The following PHF14 variants were observed in gnomAD, a reference collection of about 807,000 sequenced individuals.
PHF14 encodes the protein PHD finger protein 14.
PHF14 carries 55 observed loss-of-function variants against 117.9 expected under a neutral mutation model. The observed-to-expected ratio is 0.47, with a 90% CI of 0.38 to 0.58. PHF14 has a LOEUF of 0.58. Among genes scored for constraint, PHF14 ranks in the 20% least tolerant of loss-of-function variants. PHF14 has a pLI of 0.00. For missense variants in PHF14, 978 were observed against 1,122.2 expected, an observed-to-expected ratio of 0.87 and a Z score of 1.84; for synonymous variants, 409 against 368.6, an observed-to-expected ratio of 1.11 and a Z score of -1.26.
chr7:11,054,226 ACTTTGGAC>A (rs1784942009), intron 14 of PHF14, among the ~76,000 whole-genome samples: 1 of 152,032 alleles, frequency 6.6e-6, no homozygotes, highest in Middle Eastern at 3.2e-3. Flanking sequence ...TGAAATGTAG[ACTTTGGAC>A]CCACCCTAGA....
chr7:11,142,409 C>T (rs1788425783), intron 17 of PHF14, among the ~76,000 whole-genome samples: 1 of 151,882 alleles, frequency 6.6e-6, no homozygotes, highest in Non-Finnish European at 1.5e-5. Context: ...TTATCATTTT[C>T]CTGGACTAGG....
At chr7:11,103,446 C>G in intron 16 of PHF14, 9 of 979,858 alleles carry the variant, frequency 9.2e-6, no homozygotes, top group Non-Finnish European at 1.1e-5. Context: ...ACATCTGTAT[C>G]TTTCCAGAGG....
chr7:10,986,916 T>C lies in PHF14; in HGVS notation c.900+3757T>C, dbSNP rs567196913. ...TGTTCTCACAGAAAATATTTAAAAT[T>C]AGAGACAGTTTGGATTTTGGATTAC... On this transcript the variant is annotated intron_variant, in intron 3 of 17. Transcript: ENST00000634607. Among the ~76,000 whole-genome samples, 37 of 152,308 alleles carry C rather than the reference T, an allele frequency of 2.4e-4. 1 individual carries two copies. The highest frequency in any genetic ancestry group is 8.4e-4 in the African/African-American group (35 of 41,574).
rs182077351 is a variant in PHF14 at position 10,994,612 on chromosome 7, C to T, written c.1045+3765C>T. 4.1e-3 allele frequency among the ~76,000 whole-genome samples: 625 copies of T among 152,122 alleles called. 5 individuals carry two copies. Among genetic ancestry groups the T allele is most frequent in the African/African-American group, 0.014 (594 of 41,494 alleles). ...TGATTTTAGATTTTATTATTGTGTC[C>T]GGAATTGGTGGGTTCTTGGTTTCAC... On this transcript the variant is annotated intron_variant, in intron 4 of 17. Transcript: ENST00000634607.
intron 17 of PHF14, among the ~76,000 whole-genome samples, chr7:11,156,505 C>G (rs1478342749): frequency 6.6e-6 from 1 of 151,982 alleles, no homozygotes; most frequent in Non-Finnish European, 1.5e-5. Context: ...TTTAGAAATT[C>G]ACTTTCTGGC....
intron 17 of PHF14, among the ~76,000 whole-genome samples, chr7:11,152,159 C>G (rs930195549): frequency 6.6e-6 from 1 of 151,968 alleles, no homozygotes; most frequent in Admixed American, 6.6e-5. Context: ...GAATAATAAT[C>G]TGGTCAGTAT....
chr7:11,026,060 C>A (rs148206271), intron 6 of PHF14, among the ~76,000 whole-genome samples: 2 of 150,490 alleles, frequency 1.3e-5, no homozygotes, highest in African/African-American at 2.4e-5. Context: ...TACAGTGAGC[C>A]GAGATTGCAC....
At chr7:11,083,042 C>T (rs760614517) in intron 16 of PHF14, among the ~76,000 whole-genome samples, 15 of 152,280 alleles carry the variant, frequency 9.9e-5, no homozygotes, top group Non-Finnish European at 1.8e-4. Context: ...CCCCCTCTCC[C>T]CTCTCTCCCT....
At chr7:11,111,203 CATT>C in intron 16 of PHF14, 144 bp from the exon 17 acceptor site, 1 of 487,086 alleles carries the variant, frequency 2.1e-6, no homozygotes, top group Non-Finnish European at 3.6e-6. Flanking sequence ...TTATCATCAT[CATT>C]AATTTAATGA....
chr7:11,106,938 G>T (rs1209915916), intron 16 of PHF14: 3 of 983,912 alleles, frequency 3.0e-6, no homozygotes, highest in Non-Finnish European at 3.6e-6. Flanking sequence ...AAGATAATGT[G>T]ATTATCACAA....
chr7:11,142,858 C>T (rs928877893), intron 17 of PHF14, among the ~76,000 whole-genome samples: 1 of 152,122 alleles, frequency 6.6e-6, no homozygotes, highest in Non-Finnish European at 1.5e-5. Context: ...ATTGATAAAA[C>T]TCCGTTAATG....
intron 16 of PHF14, chr7:11,107,841 T>C (rs1244090733): frequency 1.8e-6 from 1 of 559,060 alleles, no homozygotes; most frequent in African/African-American, 2.0e-5. Flanking sequence ...TATTATGTGC[T>C]GCATGTGTTT....
At chr7:11,096,158 G>A (rs1786853106) in intron 16 of PHF14, among the ~76,000 whole-genome samples, 1 of 151,814 alleles carries the variant, frequency 6.6e-6, no homozygotes, top group Non-Finnish European at 1.5e-5. Flanking sequence ...TTCTTTTTCG[G>A]TGTCTGAGTA....
chr7:11,103,348 A>C, intron 16 of PHF14: 2 of 940,866 alleles, frequency 2.1e-6, no homozygotes, highest in Non-Finnish European at 2.5e-6. Context: ...TATTTTTCTC[A>C]ACCTTAAATA....
chr7:11,142,287 C>T (rs1284627643), intron 17 of PHF14, among the ~76,000 whole-genome samples: 1 of 151,958 alleles, frequency 6.6e-6, no homozygotes, highest in Non-Finnish European at 1.5e-5. Context: ...ATACATGATG[C>T]CCTTTTCTGT....
At position 11,047,215 on chromosome 7, in the gene PHF14, C is replaced by T. The variant is rs186635588; in HGVS notation, c.2313-4397C>T. ...TCCCGAGTACCTGGGACTACAGGCG[C>T]GTGCCACCACGCCCAGCTAATTTTT... On this transcript the variant is annotated intron_variant, in intron 13 of 17. Coordinates refer to ENST00000634607, the MANE Select transcript of PHF14 (RefSeq NM_001007157.2). Among the ~76,000 whole-genome samples the T allele has an allele frequency of 2.0e-3, 308 of 151,916 alleles. 1 individual carries two copies. The highest frequency in any genetic ancestry group is 7.1e-3 in the African/African-American group (294 of 41,450).
chr7:11,035,410 T>C (rs1412484941), intron 7 of PHF14, among the ~76,000 whole-genome samples: 1 of 152,140 alleles, frequency 6.6e-6, no homozygotes, highest in Admixed American at 6.6e-5. Flanking sequence ...TCTTTAAACC[T>C]GCAGGCCCTT....
At chr7:11,108,577 G>GAT (rs1787344863) in intron 16 of PHF14, 1 of 151,728 alleles carries the variant, frequency 6.6e-6, no homozygotes. Flanking sequence ...TATCACTAAT[G>GAT]AAGGAATCAA....
intron 16 of PHF14, chr7:11,104,667 G>A (rs778461334): frequency 7.3e-5 from 70 of 960,216 alleles, no homozygotes; most frequent in Non-Finnish European, 8.4e-5. Context: ...GTTCTCAAAC[G>A]TTGTGCATTG....
Sources: gnomAD v4.1 joint callset for allele counts (sites outside exome capture counted in the v4.1 genomes callset) on GRCh38, gnomAD v4.1.1 for gene constraint, MANE v1.5 for transcripts, NCBI Gene and HGNC (gene_info 2026-07-23, HGNC 2026-07-21) for gene names.